Variants in PEPD observed in about 807,000 individuals in gnomAD.
The protein encoded by PEPD is xaa-Pro dipeptidase.
A neutral mutation model predicts 60.7 loss-of-function variants in PEPD; 53 were observed. That is an observed-to-expected ratio of 0.87 (90% CI 0.70 to 1.10). PEPD has a LOEUF of 1.10. Among genes scored for constraint, PEPD ranks in the 50% least tolerant of loss-of-function variants. PEPD has a pLI of 0.00. For synonymous variants in PEPD, 267 were observed against 284.1 expected, an observed-to-expected ratio of 0.94 and a Z score of 0.60; for missense variants, 711 against 711.9, an observed-to-expected ratio of 1.00 and a Z score of 0.01.
chr19:33,444,807 C>T (rs1038613606), intron 9 of PEPD, among the ~76,000 whole-genome samples: 1 of 152,144 alleles, frequency 6.6e-6, no homozygotes, highest in African/African-American at 2.4e-5. Context: ...ACACCCCATC[C>T]ACCATGTCTC....
At chr19:33,506,487 AAC>A (rs1403329373) in intron 3 of PEPD, among the ~76,000 whole-genome samples, 2 of 139,404 alleles carry the variant, frequency 1.4e-5, no homozygotes, top group Non-Finnish European at 3.1e-5. Flanking sequence ...CACCCTACAC[AAC>A]ACACACCCAC....
chr19:33,397,496 T>G (rs1968392668), intron 12 of PEPD, among the ~76,000 whole-genome samples: 1 of 151,846 alleles, frequency 6.6e-6, no homozygotes, highest in Non-Finnish European at 1.5e-5. Context: ...GGAGGGCAGC[T>G]CTGTGGGCCC....
chr19:33,512,845 G>A, intron 1 of PEPD, 69 bp from the exon 2 acceptor site: 1 of 1,569,706 alleles, frequency 6.4e-7, no homozygotes, highest in South Asian at 1.1e-5. Context: ...CCACACCTGA[G>A]GTCGGGGTGA....
intron 10 of PEPD, among the ~76,000 whole-genome samples, chr19:33,412,381 G>C (rs1249121243): frequency 6.6e-6 from 1 of 152,162 alleles, no homozygotes; most frequent in African/African-American, 2.4e-5. Flanking sequence ...GGGAACAGCA[G>C]TTCCTGGGCC....
intron 14 of PEPD, 174 bp downstream of exon 14, chr19:33,387,715 TC>T (rs1968109332): frequency 1.3e-6 from 1 of 762,324 alleles, no homozygotes; most frequent in African/African-American, 1.7e-5. Flanking sequence ...AGGATCTCTG[TC>T]TGTTCCTACT....
chr19:33,425,297 A>AAAACAAACAAAC (rs113458763), intron 9 of PEPD, among the ~76,000 whole-genome samples: 12,100 of 151,144 alleles, frequency 0.08, 584 homozygotes, highest in East Asian at 0.21. Flanking sequence ...ATTCAGTCTC[A>AAAACAAACAAAC]AAACAAACAA....
chr19:33,465,948 G>A (rs953125716), intron 7 of PEPD, among the ~76,000 whole-genome samples: 6 of 152,334 alleles, frequency 3.9e-5, no homozygotes, highest in African/African-American at 1.2e-4. Flanking sequence ...GAGAAGGGTA[G>A]AAGGGTGGGG....
chr19:33,508,612 G>A (rs1049227193), intron 3 of PEPD, among the ~76,000 whole-genome samples: 17 of 152,296 alleles, frequency 1.1e-4, no homozygotes, highest in African/African-American at 4.1e-4. Context: ...GCTGGCGGCT[G>A]GGGTCCCCCT....
intron 4 of PEPD, among the ~76,000 whole-genome samples, chr19:33,494,971 A>G (rs1040006699): frequency 5.3e-5 from 8 of 152,028 alleles, no homozygotes; most frequent in African/African-American, 1.9e-4. Flanking sequence ...CATCTCTATT[A>G]AAAATACAAA....
At chr19:33,428,323 A>G (rs1368044647) in intron 9 of PEPD, among the ~76,000 whole-genome samples, 1 of 152,052 alleles carries the variant, frequency 6.6e-6, no homozygotes. Context: ...GCATACCCCG[A>G]GCTCCCTCTT....
rs1970698048 is a variant in PEPD at position 33,500,948 on chromosome 19, T to C, written c.383A>G (p.Tyr128Cys). ...GAGCCGGCTACCCACCTCATCTACG[T>C]ACTGGACGTCGTCCACGGCATACTT... is the stretch of plus-strand genomic sequence containing the variant. The part of the protein sequence containing the change: ...KEKYAVDDVQ[Y>C]VDEIASVLTS... Residue 128 changes from tyrosine to cysteine, a missense_variant, in exon 4 of 15, where the codon TAC (tyrosine) becomes TGC (cysteine). Physicochemically the swap from Tyr to Cys is radical, Grantham distance 194. Coordinates refer to ENST00000244137, the MANE Select transcript of PEPD (RefSeq NM_000285.4). 2 of 1,596,794 alleles carry C rather than the reference T, an allele frequency of 1.3e-6. No individual in the cohort carries two copies. The highest frequency in any genetic ancestry group is 1.7e-6 in the Non-Finnish European group (2 of 1,164,496).
intron 4 of PEPD, among the ~76,000 whole-genome samples, chr19:33,498,010 T>C (rs1053964434): frequency 5.9e-5 from 9 of 151,928 alleles, no homozygotes; most frequent in African/African-American, 9.7e-5. Context: ...CAGCCTCATA[T>C]CTATGAACGG....
intron 9 of PEPD, among the ~76,000 whole-genome samples, chr19:33,449,939 G>A (rs572793910): frequency 1.3e-5 from 2 of 152,322 alleles, no homozygotes; most frequent in Non-Finnish European, 2.9e-5. Flanking sequence ...GAGTGACCAG[G>A]GAGGTAACAG....
At chr19:33,435,549 C>G (rs1191098645) in intron 9 of PEPD, among the ~76,000 whole-genome samples, 1 of 152,214 alleles carries the variant, frequency 6.6e-6, no homozygotes, top group East Asian at 1.9e-4. Flanking sequence ...CCAGAACCAA[C>G]CCCCCTCGTT....
chr19:33,444,150 GCACA>G (rs1320795282), intron 9 of PEPD, among the ~76,000 whole-genome samples: 2 of 152,132 alleles, frequency 1.3e-5, no homozygotes, highest in African/African-American at 4.8e-5. Flanking sequence ...ACACGCACAT[GCACA>G]CACACACGCT....
At chr19:33,403,851 C>T (rs951314960) in intron 11 of PEPD, among the ~76,000 whole-genome samples, 5 of 152,218 alleles carry the variant, frequency 3.3e-5, no homozygotes, top group African/African-American at 7.2e-5. Flanking sequence ...GGAGGAGCCC[C>T]GCCTGCATGA....
At chr19:33,476,629 G>A (rs1189475804) in intron 7 of PEPD, among the ~76,000 whole-genome samples, 1 of 152,008 alleles carries the variant, frequency 6.6e-6, no homozygotes, top group East Asian at 1.9e-4. Context: ...CCCTACAGCT[G>A]GGTCTCTAGT....
intron 9 of PEPD, among the ~76,000 whole-genome samples, chr19:33,442,554 A>T (rs907264548): frequency 2.0e-5 from 3 of 148,914 alleles, no homozygotes; most frequent in Admixed American, 2.0e-4. Flanking sequence ...AAATAAAAAA[A>T]AAAAATTAGC....
chr19:33,472,092 C>G (rs1450530355), intron 7 of PEPD, among the ~76,000 whole-genome samples: 1 of 150,258 alleles, frequency 6.7e-6, no homozygotes, highest in Non-Finnish European at 1.5e-5. Flanking sequence ...ACCTGGGAGG[C>G]GGAAGTTGCA....
Sources: gnomAD v4.1 joint callset for allele counts (sites outside exome capture counted in the v4.1 genomes callset) on GRCh38, gnomAD v4.1.1 for gene constraint, MANE v1.5 for transcripts, NCBI Gene and HGNC (gene_info 2026-07-23, HGNC 2026-07-21) for gene names.